The following DPP6 variants were observed in gnomAD, a reference collection of about 807,000 sequenced individuals.
The protein encoded by DPP6 is A-type potassium channel modulatory protein DPP6.
A neutral mutation model predicts 122.6 loss-of-function variants in DPP6; 69 were observed. The ratio of observed to expected loss-of-function variants is 0.56; its 90% CI spans 0.46 to 0.69. The LOEUF is 0.69. Ranked by LOEUF, DPP6 falls within the 30% of genes least tolerant of loss-of-function variation. The probability of loss-of-function intolerance (pLI) is 0.00; values close to 1 mark genes in which losing one functional copy is unlikely to be tolerated. For synonymous variants in DPP6, 418 were observed against 433.1 expected (o/e 0.97, Z 0.43); for missense variants, 928 against 1,116.9 (o/e 0.83, Z 2.41).
At position 154,745,355 on chromosome 7, in the gene DPP6, A is replaced by C. The variant is rs932734248; in HGVS notation, c.883+17468A>C. Among the ~76,000 whole-genome samples the C allele has an allele frequency of 5.3e-5, 8 of 152,200 alleles. No homozygotes were observed. In the East Asian group the frequency reaches 1.3e-3, roughly 26 times the overall value. On this transcript the variant is annotated intron_variant, in intron 8 of 25. Transcript: ENST00000377770. ...TCAAAATTCTCCTTTATAACAAATAATGTAAGCAGATCCACAGTCACTAGG... is the reference window on the plus strand; with the variant it reads ...TCAAAATTCTCCTTTATAACAAATACTGTAAGCAGATCCACAGTCACTAGG...
intron 1 of DPP6, among the ~76,000 whole-genome samples, chr7:154,054,381 G>C (rs1208455589): frequency 2.6e-5 from 4 of 152,066 alleles, no homozygotes; most frequent in Non-Finnish European, 5.9e-5. Flanking sequence ...TATGAAATCA[G>C]TGAGGTTTTG....
rs931143608 is a variant in DPP6 at position 154,757,333 on chromosome 7, A to G, written c.884-12084A>G. 2.0e-5 allele frequency among the ~76,000 whole-genome samples: 3 copies of G among 152,090 alleles called. No homozygotes were observed. The South Asian group carries it at 6.2e-4, about 31-fold the overall frequency. ...ATGGGTGTGCAGGTCCCTCCCTGCGAGGCCCTGCAAGTGTCTGCAAATGCA... is the reference window on the plus strand; with the variant it reads ...ATGGGTGTGCAGGTCCCTCCCTGCGGGGCCCTGCAAGTGTCTGCAAATGCA... On this transcript the variant is annotated intron_variant, in intron 8 of 25. Coordinates refer to ENST00000377770, the MANE Select transcript of DPP6 (RefSeq NM_130797.4).
At chr7:154,633,319 C>G (rs1344644801) in intron 5 of DPP6, among the ~76,000 whole-genome samples, 2 of 152,152 alleles carry the variant, frequency 1.3e-5, no homozygotes, top group Non-Finnish European at 2.9e-5. Context: ...TCACTGCAAC[C>G]TCCGCCTCCT....
chr7:154,101,663 C>T (rs1488076230), intron 1 of DPP6, among the ~76,000 whole-genome samples: 1 of 151,988 alleles, frequency 6.6e-6, no homozygotes, highest in Non-Finnish European at 1.5e-5. Flanking sequence ...CACAGTGGCT[C>T]ATGCCTGTAA....
At chr7:154,316,388 T>C (rs1807432534) in intron 1 of DPP6, among the ~76,000 whole-genome samples, 1 of 152,182 alleles carries the variant, frequency 6.6e-6, no homozygotes, top group Non-Finnish European at 1.5e-5. Context: ...AAGAAAACCA[T>C]CAGAAATCAA....
chr7:153,863,326 G>GTCTA, the DPP6 span, among the ~76,000 whole-genome samples: 1 of 152,026 alleles, frequency 6.6e-6, no homozygotes, highest in South Asian at 2.1e-4. Flanking sequence ...TCTTTATCCG[G>GTCTA]TCTATCATTG....
At chr7:154,202,679 A>G (rs914616988) in intron 1 of DPP6, among the ~76,000 whole-genome samples, 1 of 151,988 alleles carries the variant, frequency 6.6e-6, no homozygotes, top group African/African-American at 2.4e-5. Flanking sequence ...CCCTCCTACT[A>G]CAGGCCGGGG....
intron 1 of DPP6, among the ~76,000 whole-genome samples, chr7:154,431,081 G>A (rs901199707): frequency 3.1e-4 from 47 of 152,164 alleles, no homozygotes; most frequent in African/African-American, 1.0e-3. Context: ...GAGAGACAGT[G>A]CACCTCAAGG....
chr7:153,844,831 CTG>C, the DPP6 span, among the ~76,000 whole-genome samples: 5 of 152,154 alleles, frequency 3.3e-5, no homozygotes, highest in African/African-American at 1.2e-4. Flanking sequence ...ATATAAACAA[CTG>C]AACTCTAAAT....
At chr7:154,627,157 C>A (rs1346917560) in intron 5 of DPP6, among the ~76,000 whole-genome samples, 3 of 148,586 alleles carry the variant, frequency 2.0e-5, no homozygotes, top group African/African-American at 7.4e-5. Flanking sequence ...GAACTACAGG[C>A]ACCCACCACC....
chr7:153,770,042 T>G, the DPP6 span, among the ~76,000 whole-genome samples: 3 of 151,894 alleles, frequency 2.0e-5, no homozygotes, highest in African/African-American at 7.3e-5. Flanking sequence ...CTGGGAAGAG[T>G]GCAGAGAAAA....
chr7:153,988,683 C>G lies in DPP6; in HGVS notation c.51+100949C>G, dbSNP rs1796969378. ...CCAAGCGGTGCTTCCTGGTCGATGG[C>G]ACGTCGGGGTGGGCAGGCTGGAGTT... On this transcript the variant is annotated intron_variant, in intron 1 of 25. Transcript: ENST00000404039. Among the ~76,000 whole-genome samples, 5 of 152,206 alleles carry G rather than the reference C, an allele frequency of 3.3e-5. No individual in the cohort carries two copies. In the South Asian group the frequency reaches 1.0e-3, roughly 32 times the overall value.
chr7:154,575,199 G>A (rs1277066497), intron 5 of DPP6, among the ~76,000 whole-genome samples: 9 of 112,678 alleles, frequency 8.0e-5, no homozygotes, highest in East Asian at 3.2e-4. Context: ...TGGTGTGTGT[G>A]GTGTCTGTGG....
chr7:154,527,315 G>C (rs1827482958), intron 3 of DPP6, among the ~76,000 whole-genome samples: 2 of 152,052 alleles, frequency 1.3e-5, no homozygotes, highest in South Asian at 4.1e-4. Context: ...TTTGACCTTT[G>C]GGCTCAGATA....
chr7:153,981,921 C>A (rs2129038169), intron 1 of DPP6, among the ~76,000 whole-genome samples: 1 of 152,068 alleles, frequency 6.6e-6, no homozygotes, highest in African/African-American at 2.4e-5. Flanking sequence ...CGCTGTTAGT[C>A]TGATGGGCTT....
the DPP6 span, among the ~76,000 whole-genome samples, chr7:153,796,048 G>A: frequency 3.6e-5 from 5 of 139,618 alleles, no homozygotes; most frequent in South Asian, 1.3e-3. Flanking sequence ...GGTCTACTGT[G>A]GCGAGTGATC....
At chr7:154,495,974 G>A (rs1824699564) in intron 3 of DPP6, among the ~76,000 whole-genome samples, 2 of 152,152 alleles carry the variant, frequency 1.3e-5, no homozygotes, top group African/African-American at 4.8e-5. Flanking sequence ...ACAAACACCT[G>A]CCAGAAAGAA....
intron 6 of DPP6, among the ~76,000 whole-genome samples, chr7:154,658,014 T>C (rs4495380): frequency 6.6e-6 from 1 of 152,062 alleles, no homozygotes; most frequent in East Asian, 1.9e-4. Context: ...AGATCTGTGC[T>C]TGCCAGGGTT....
chr7:154,768,718 A>G (rs1375305197), intron 8 of DPP6, among the ~76,000 whole-genome samples: 1 of 152,248 alleles, frequency 6.6e-6, no homozygotes, highest in East Asian at 1.9e-4. Context: ...TGGGCTAGGA[A>G]GGAATAATGG....
Sources: allele counts gnomAD v4.1 joint callset (sites outside exome capture counted in the v4.1 genomes callset), GRCh38; gene constraint gnomAD v4.1.1; transcripts MANE v1.5; gene names NCBI Gene and HGNC (gene_info 2026-07-23, HGNC 2026-07-21).